Variants in MAP3K13 observed in about 807,000 individuals in gnomAD.
MAP3K13 encodes the protein mitogen-activated protein kinase kinase kinase 13, also known as leucine zipper-bearing kinase.
MAP3K13 carries 52 observed loss-of-function variants against 104.0 expected under a neutral mutation model. That is an observed-to-expected ratio of 0.50 (90% CI 0.40 to 0.63). The LOEUF (loss-of-function observed/expected upper bound fraction) is 0.63. Ranked by LOEUF, MAP3K13 falls within the 20% of genes least tolerant of loss-of-function variation. MAP3K13 has a pLI of 0.00. For missense variants in MAP3K13, 914 were observed against 1,218.5 expected (o/e 0.75, Z 3.72); for synonymous variants, 394 against 442.2 (o/e 0.89, Z 1.37).
intron 1 of MAP3K13, among the ~76,000 whole-genome samples, chr3:185,400,268 C>G (rs1209199408): frequency 6.6e-6 from 1 of 152,198 alleles, no homozygotes; most frequent in Non-Finnish European, 1.5e-5. Context: ...GCACCCTGCC[C>G]CTCTGGATGA....
intron 8 of MAP3K13, among the ~76,000 whole-genome samples, chr3:185,464,459 T>A (rs1717295107): frequency 6.6e-6 from 1 of 152,180 alleles, no homozygotes; most frequent in South Asian, 2.1e-4. Flanking sequence ...GTTTTTGTGA[T>A]AATGGGTGAG....
chr3:185,378,651 G>A (rs184867724), intron 1 of MAP3K13, among the ~76,000 whole-genome samples: 1 of 152,212 alleles, frequency 6.6e-6, no homozygotes, highest in Non-Finnish European at 1.5e-5. Flanking sequence ...TAGAAAAGAA[G>A]GATTCAAAGG....
intron 2 of MAP3K13, among the ~76,000 whole-genome samples, chr3:185,333,495 T>TA (rs200195548): frequency 2.6e-5 from 4 of 152,130 alleles, no homozygotes; most frequent in African/African-American, 2.4e-5. Flanking sequence ...ATACAATCTA[T>TA]AAAAAAAACT....
rs913786666 is a variant in MAP3K13, at chr3:185,482,127, A to T, written c.2800-228A>T. 6.6e-6 allele frequency among the ~76,000 whole-genome samples: 1 copy of T among 152,224 alleles called. No individual in the cohort carries two copies. Among genetic ancestry groups the T allele is most frequent in the Non-Finnish European group, 1.5e-5 (1 of 68,042 alleles). On this transcript the variant is annotated intron_variant, in intron 13 of 13. Coordinates refer to ENST00000265026, the MANE Select transcript of MAP3K13 (RefSeq NM_004721.5). This position sits in a 1 kb window ranked among gnomAD's most constrained non-coding sequence, Gnocchi z 4.5. ...AAGTACTTACAACAGTGCCTGGAGC[A>T]TAGTAAACGCTATATAAGTGGTTGT...
intron 5 of MAP3K13, among the ~76,000 whole-genome samples, chr3:185,448,970 T>G (rs1465524784): frequency 1.3e-5 from 2 of 152,264 alleles, no homozygotes; most frequent in African/African-American, 4.8e-5. Context: ...TTGTAGATAC[T>G]TCACATTTTG....
intron 7 of MAP3K13, among the ~76,000 whole-genome samples, chr3:185,452,150 T>A (rs1254085259): frequency 6.6e-6 from 1 of 152,170 alleles, no homozygotes; most frequent in African/African-American, 2.4e-5. Context: ...GTGTGTCACC[T>A]AGTAGCTCCA....
At chr3:185,367,366 G>T (rs1723938329) in intron 1 of MAP3K13, among the ~76,000 whole-genome samples, 1 of 152,076 alleles carries the variant, frequency 6.6e-6, no homozygotes, top group Non-Finnish European at 1.5e-5. Flanking sequence ...CTATTGACAT[G>T]CAGGGTCTTA....
chr3:185,410,850 G>A (rs13089132), intron 1 of MAP3K13, among the ~76,000 whole-genome samples: 24,474 of 151,168 alleles, frequency 0.16, 2,057 homozygotes, highest in African/African-American at 0.22. Context: ...CAGGAGAATC[G>A]CTTGAACTCA....
intron 1 of MAP3K13, among the ~76,000 whole-genome samples, chr3:185,398,837 T>C (rs1170950709): frequency 6.6e-6 from 1 of 152,250 alleles, no homozygotes; most frequent in Non-Finnish European, 1.5e-5. Flanking sequence ...AAATATACTC[T>C]GATATCCATG....
chr3:185,406,582 TG>T (rs1713125690), intron 1 of MAP3K13, among the ~76,000 whole-genome samples: 1 of 152,168 alleles, frequency 6.6e-6, no homozygotes, highest in South Asian at 2.1e-4. Flanking sequence ...ATTAGACATA[TG>T]TAGGCTAAGG....
upstream of MAP3K13, chr3:185,362,961 A>G (rs557258684): frequency 5.7e-4 from 136 of 239,318 alleles, no homozygotes; most frequent in African/African-American, 3.0e-3. Context: ...ACACACGCAC[A>G]CACACACACA....
intron 1 of MAP3K13, among the ~76,000 whole-genome samples, chr3:185,396,301 C>T (rs1457681877): frequency 1.3e-5 from 2 of 152,150 alleles, no homozygotes; most frequent in East Asian, 1.9e-4. Context: ...ACCCGGGAGG[C>T]GGGGGTTGCA....
chr3:185,359,841 G>C (rs2108739705), upstream of MAP3K13, among the ~76,000 whole-genome samples: 1 of 151,866 alleles, frequency 6.6e-6, no homozygotes, highest in African/African-American at 2.4e-5. Context: ...TCTTTTTCCT[G>C]GTATTTCTGA....
intron 2 of MAP3K13, among the ~76,000 whole-genome samples, chr3:185,357,236 G>A (rs1424660626): frequency 6.6e-6 from 1 of 151,754 alleles, no homozygotes; most frequent in Non-Finnish European, 1.5e-5. Flanking sequence ...CCTGAGGTCA[G>A]GAGTTTAAGA....
At chr3:185,345,657 A>G (rs1487261660) in intron 2 of MAP3K13, among the ~76,000 whole-genome samples, 1 of 152,192 alleles carries the variant, frequency 6.6e-6, no homozygotes, top group African/African-American at 2.4e-5. Context: ...ATGATCTGTC[A>G]TTGTCTCCCA....
At chr3:185,343,387 C>T (rs377395356) in intron 2 of MAP3K13, among the ~76,000 whole-genome samples, 48 of 152,232 alleles carry the variant, frequency 3.2e-4, no homozygotes, top group African/African-American at 6.7e-4. Flanking sequence ...AAAAAGGCAA[C>T]GGAGTGCCTT....
At chr3:185,437,657 A>T in intron 3 of MAP3K13, 27 bp downstream of exon 3, 1 of 1,556,624 alleles carries the variant, frequency 6.4e-7, no homozygotes, top group Non-Finnish European at 8.7e-7. Context: ...TTTTTTTAAG[A>T]AGTAGACCTA....
rs796708198 is a variant in MAP3K13 at position 185,453,782 on chromosome 3, T to TTA, written c.1278+2399_1278+2400dup. Among the ~76,000 whole-genome samples the TTA allele has an allele frequency of 3.0e-5, 4 of 134,452 alleles. 1 individual carries two copies. The highest frequency in any genetic ancestry group is 4.7e-4 in the South Asian group (2 of 4,292). 88.2% of individuals were successfully genotyped at this position (134,452 alleles called of 152,430 possible). A position where few individuals can be genotyped will look rare whatever the true frequency, so the allele number is the denominator to read the frequency against. On this transcript the variant is annotated intron_variant, in intron 7 of 13. Transcript: ENST00000265026. Reference sequence around the variant, plus strand: ...AGACTCCGTCTAAAAAAAAAAAAAATTATATATATATATGAGATATATATA... The same window carrying TTA: ...AGACTCCGTCTAAAAAAAAAAAAAATTATATATATATATATGAGATATATATA...
At chr3:185,306,174 A>G (rs1277451638) in intron 2 of MAP3K13, among the ~76,000 whole-genome samples, 2 of 152,104 alleles carry the variant, frequency 1.3e-5, no homozygotes, top group African/African-American at 4.8e-5. Context: ...TCTTTATCCA[A>G]TCCACCATTG....
Sources: gnomAD v4.1 joint callset for allele counts (sites outside exome capture counted in the v4.1 genomes callset) on GRCh38, gnomAD v4.1.1 for gene constraint, Gnocchi (gnomAD v3.1) non-coding constraint, MANE v1.5 for transcripts, NCBI Gene and HGNC (gene_info 2026-07-23, HGNC 2026-07-21) for gene names.